The following ATP5F1C variants were observed in gnomAD, a reference collection of about 807,000 sequenced individuals.
ATP5F1C encodes ATP synthase F1 subunit gamma, also known as ATP synthase F(1) complex subunit gamma, mitochondrial.
A neutral mutation model predicts 37.4 loss-of-function variants in ATP5F1C; 22 were observed. That is an observed-to-expected ratio of 0.59 (90% CI 0.42 to 0.84). ATP5F1C has a LOEUF of 0.84. ATP5F1C is among the 40% of genes least tolerant of loss of function. The pLI, the probability that ATP5F1C is intolerant of heterozygous loss-of-function variation, is 0.00. For missense variants in ATP5F1C, 286 were observed against 362.4 expected (o/e 0.79, Z 1.71); for synonymous variants, 121 against 128.0 (o/e 0.95, Z 0.37).
chr10:7,800,054 A>G lies in ATP5F1C; in HGVS notation c.600A>G (p.Glu200=). 1 of 1,614,088 alleles carries G rather than the reference A, an allele frequency of 6.2e-7. No individual in the cohort carries two copies. The highest frequency in any genetic ancestry group is 8.5e-7 in the Non-Finnish European group (1 of 1,180,028). Residue 200 remains glutamate, a synonymous_variant, in exon 6 of 10, where the codon GAA becomes GAG. Transcript: ENST00000356708. The part of the protein sequence containing the change: ...FRSVISYKTE[E]KPIFSLNTVA... ...CTGTCATCTCCTATAAGACAGAAGA[A>G]AAGCCCATCTTTTCCCTTAATACCG...
Position 7,806,998 on chromosome 10 carries a change from C to T in ATP5F1C, c.*18C>T. On this transcript the variant is annotated 3_prime_UTR_variant, in exon 9 of 10. Transcript: ENST00000356708. ...GGGATTAATGAAAATCAAGTTCCATCCTCAGACAAGAGGTAAAGTTCACAC... is the reference window on the plus strand; with the variant it reads ...GGGATTAATGAAAATCAAGTTCCATTCTCAGACAAGAGGTAAAGTTCACAC... The T allele has an allele frequency of 6.2e-7, 1 of 1,611,840 alleles. No individual in the cohort carries two copies. Among genetic ancestry groups the T allele is most frequent in the Non-Finnish European group, 8.5e-7 (1 of 1,178,308 alleles).
rs755191204 is a variant in ATP5F1C at position 7,797,101 on chromosome 10, A to G, written c.146A>G (p.Lys49Arg). The part of the protein sequence containing the change: ...KNIQKITKSM[K>R]MVAAAKYARA... ...ATCCAGAAAATTACCAAGTCTATGA[A>G]AATGGTAGCGGCAGCAAAATATGCC... The change falls in exon 3 of 10, where the codon AAA becomes AGA. Residue 49 changes from lysine to arginine, a missense_variant. Lys to Arg is a conservative substitution (Grantham distance 26, BLOSUM62 2). Transcript: ENST00000356708. 5.4e-5 allele frequency: 87 copies of G among 1,614,106 alleles called. 1 individual carries two copies. The highest frequency in any genetic ancestry group is 3.4e-4 in the South Asian group (31 of 91,092).
chr10:7,804,854 G>A (rs772314828), intron 8 of ATP5F1C, among the ~76,000 whole-genome samples: 4 of 152,304 alleles, frequency 2.6e-5, no homozygotes, highest in Non-Finnish European at 5.9e-5. Flanking sequence ...TGGGTCCATG[G>A]TTTTAAGAGT....
At chr10:7,799,720 TTCAGCAGAAA>T in intron 4 of ATP5F1C, 42 bp from the exon 5 acceptor site, 13 of 1,598,300 alleles carry the variant, frequency 8.1e-6, no homozygotes, top group Non-Finnish European at 1.1e-5. Flanking sequence ...CCTGTGCTCT[TTCAGCAGAAA>T]TCTTATTAAA....
At chr10:7,805,161 T>C (rs893469109) in intron 8 of ATP5F1C, among the ~76,000 whole-genome samples, 10 of 152,242 alleles carry the variant, frequency 6.6e-5, no homozygotes, top group Non-Finnish European at 1.5e-4. Flanking sequence ...GGATACTCTC[T>C]CTGTTACTCA....
intron 1 of ATP5F1C, among the ~76,000 whole-genome samples, chr10:7,788,782 G>A (rs572892354): frequency 6.6e-6 from 1 of 152,112 alleles, no homozygotes; most frequent in African/African-American, 2.4e-5. Context: ...CACCTCCCGT[G>A]TTGCAGACGC....
At position 7,802,985 on chromosome 10, in the gene ATP5F1C, C is replaced by G. The variant is rs1016726212; in HGVS notation, c.890+131C>G. ...CTCATTGCTGAAACTTGCATCCTAA[C>G]TCTTAGGCTATAAAGATGTGGTAAA... is the stretch of plus-strand genomic sequence containing the variant. On this transcript the variant is annotated intron_variant, in intron 8 of 9. Coordinates refer to ENST00000356708, the MANE Select transcript of ATP5F1C (RefSeq NM_001001973.3). The G allele has an allele frequency of 2.0e-5, 13 of 663,348 alleles. 1 individual carries two copies. The African/African-American group carries it at 2.4e-4, about 12-fold the overall frequency. 41.1% of individuals were successfully genotyped at this position (663,348 alleles called of 1,614,324 possible). A position where few individuals can be genotyped will look rare whatever the true frequency, so the allele number is the denominator to read the frequency against.
chr10:7,804,074 A>G (rs1165267466), intron 8 of ATP5F1C: 4 of 518,860 alleles, frequency 7.7e-6, no homozygotes, highest in African/African-American at 1.9e-5. Context: ...CAGACACTAA[A>G]TAAGAAGTCA....
intron 8 of ATP5F1C, among the ~76,000 whole-genome samples, chr10:7,803,217 C>G (rs962438392): frequency 6.6e-6 from 1 of 151,764 alleles, no homozygotes; most frequent in Non-Finnish European, 1.5e-5. Flanking sequence ...TAAACCATTG[C>G]ATGTTGGGAA....
rs1232933019 is a variant in ATP5F1C at position 7,799,912 on chromosome 10, T to C, written c.569T>C (p.Phe190Ser). Residue 190 changes from phenylalanine to serine, a missense_variant, in exon 5 of 10, where the codon TTC becomes TCC. Coordinates refer to ENST00000356708, the MANE Select transcript of ATP5F1C (RefSeq NM_001001973.3). ...FDEGSIIFNK[F>S]RSVISYKTEE... The stretch of plus-strand genomic sequence containing the variant: ...GAAGGCTCCATCATCTTTAATAAAT[T>C]CAGGCAAGACAGATTTAGAAATCAA... 1 of 1,613,024 alleles carries C rather than the reference T, an allele frequency of 6.2e-7. No homozygotes were observed. The highest frequency in any genetic ancestry group is 8.5e-7 in the Non-Finnish European group (1 of 1,179,568).
intron 1 of ATP5F1C, among the ~76,000 whole-genome samples, chr10:7,791,887 G>A (rs896167901): frequency 1.1e-4 from 16 of 152,206 alleles, no homozygotes; most frequent in African/African-American, 3.9e-4. Flanking sequence ...CACAAAAGAT[G>A]CTACCTCTTC....
intron 6 of ATP5F1C, among the ~76,000 whole-genome samples, chr10:7,801,918 G>C (rs1021729791): frequency 6.6e-6 from 1 of 152,070 alleles, no homozygotes; most frequent in Non-Finnish European, 1.5e-5. Context: ...TTTTTTACTG[G>C]AAAAAGCATT....
chr10:7,796,927 GTTTA>G (rs1836250520), intron 2 of ATP5F1C, 116 bp from the exon 3 acceptor site: 1 of 1,138,760 alleles, frequency 8.8e-7, no homozygotes, highest in African/African-American at 1.6e-5. Context: ...GCATCGTGCT[GTTTA>G]TTGTTTATCT....
chr10:7,791,195 GA>G, intron 1 of ATP5F1C, among the ~76,000 whole-genome samples: 1 of 152,092 alleles, frequency 6.6e-6, no homozygotes, highest in East Asian at 1.9e-4. Context: ...AGCTACTCGG[GA>G]GGCTGAGGCA....
chr10:7,791,184 C>T (rs1342109238), intron 1 of ATP5F1C, among the ~76,000 whole-genome samples: 1 of 151,994 alleles, frequency 6.6e-6, no homozygotes, highest in Non-Finnish European at 1.5e-5. Context: ...CCTGTAGTCC[C>T]AGCTACTCGG....
At position 7,800,043 on chromosome 10, in the gene ATP5F1C, AAGAC is replaced by A. The variant is rs773204522; in HGVS notation, c.593_596del (p.Thr198LysfsTer17). 2.4e-5 allele frequency: 38 copies of A among 1,613,942 alleles called. No individual in the cohort carries two copies. Among genetic ancestry groups the A allele is most frequent in the African/African-American group, 4.0e-5 (3 of 74,940 alleles). ...CAATTCTAGGTCTGTCATCTCCTAT[AAGAC>A]AGAAGAAAAGCCCATCTTTTCCCTT... On this transcript the variant is annotated frameshift_variant, in exon 6 of 10. Transcript: ENST00000356708. LOFTEE classifies it high-confidence loss of function.
chr10:7,792,854 A>G (rs1368475334), intron 1 of ATP5F1C, among the ~76,000 whole-genome samples: 1 of 152,124 alleles, frequency 6.6e-6, no homozygotes, highest in African/African-American at 2.4e-5. Flanking sequence ...ATTTCATCTC[A>G]GTTGGGTAAG....
chr10:7,794,504 T>G (rs1338398665), intron 1 of ATP5F1C, among the ~76,000 whole-genome samples: 2 of 150,822 alleles, frequency 1.3e-5, no homozygotes, highest in Admixed American at 6.6e-5. Flanking sequence ...TGTGTTGTTT[T>G]TTTTTTTTTT....
At chr10:7,788,449 C>T (rs1836091740) in intron 1 of ATP5F1C, among the ~76,000 whole-genome samples, 186 bp downstream of exon 1, 1 of 152,192 alleles carries the variant, frequency 6.6e-6, no homozygotes, top group East Asian at 1.9e-4. Context: ...GCAAGGTGTG[C>T]GCAGGGCCGG....
Sources: allele counts gnomAD v4.1 joint callset (sites outside exome capture counted in the v4.1 genomes callset), GRCh38; gene constraint gnomAD v4.1.1; transcripts MANE v1.5; gene names NCBI Gene and HGNC (gene_info 2026-07-23, HGNC 2026-07-21).